The following INTS2 variants were observed in gnomAD, a reference collection of about 807,000 sequenced individuals.
INTS2 encodes integrator complex subunit 2, also known as KIAA1287.
A neutral mutation model predicts 139.6 loss-of-function variants in INTS2; 57 were observed. That is an observed-to-expected ratio of 0.41 (90% confidence interval 0.33 to 0.51). The LOEUF (loss-of-function observed/expected upper bound fraction) is 0.51. INTS2 is among the 20% of genes least tolerant of loss of function. The probability of loss-of-function intolerance (pLI) is 0.28; values close to 1 mark genes in which losing one functional copy is unlikely to be tolerated. For synonymous variants in INTS2, 473 were observed against 493.4 expected (o/e 0.96, Z 0.55); for missense variants, 1,196 against 1,436.7 (o/e 0.83, Z 2.71).
chr17:61,905,574 C>A (rs2079453730), intron 8 of INTS2, among the ~76,000 whole-genome samples: 1 of 152,210 alleles, frequency 6.6e-6, no homozygotes, highest in South Asian at 2.1e-4. Context: ...GATCCACAAG[C>A]CTTGGCCTCC....
Position 61,872,344 on chromosome 17 carries a change from T to A in INTS2, c.2699A>T (p.Asn900Ile), listed in dbSNP as rs552196383. Residue 900 changes from asparagine (N) to isoleucine (I), a missense_variant, in exon 20 of 25, where the codon AAT becomes ATT. Transcript: ENST00000251334. The surrounding 1 kb of genome is among the most constrained non-coding windows in gnomAD (Gnocchi z 4.8). ...ETEQDRPSQN[N>I]TIGLVGQTDA... Reference sequence around the variant, plus strand: ...AGTTTGTCCAACTAAACCAATTGTATTATTCTGGGAAGGCCTATCTTGCTC... The same window carrying A: ...AGTTTGTCCAACTAAACCAATTGTAATATTCTGGGAAGGCCTATCTTGCTC... 2.9e-5 allele frequency: 46 copies of A among 1,613,272 alleles called. No individual in the cohort carries two copies. The highest frequency in any genetic ancestry group is 2.8e-4 in the Admixed American group (17 of 60,002).
intron 15 of INTS2, among the ~76,000 whole-genome samples, chr17:61,889,020 C>CAAAAACAAAAAACA (rs201252855): frequency 0.025 from 3,592 of 141,062 alleles, 161 homozygotes; most frequent in African/African-American, 0.092. Context: ...GCAAGACTGT[C>CAAAAACAAAAAACA]AAAAACAAAA....
Position 61,867,673 on chromosome 17 carries a change from A to G in INTS2, c.3475T>C (p.Ser1159Pro), listed in dbSNP as rs775119135. 1.2e-6 allele frequency: 2 copies of G among 1,612,702 alleles called. No individual in the cohort carries two copies. Among genetic ancestry groups the G allele is most frequent in the South Asian group, 2.2e-5 (2 of 90,914 alleles). Residue 1159 changes from serine (S) to proline (P), a missense_variant, in exon 25 of 25, where the codon TCA becomes CCA. Physicochemically the swap from Ser to Pro is moderately conservative, Grantham distance 74. This residue lies in a region of INTS2 where 1,129 missense variants were observed against 1,341.9 expected (regional missense o/e 0.84). Transcript: ENST00000251334. The surrounding 1 kb of genome is among the most constrained non-coding windows in gnomAD (Gnocchi z 5.6). ...TCCCTGGATCCATTTTTATAAGATG[A>G]ATCTTTACAGATTTGAGACCATCCA... ...PSGWSQICKDSSYKNGSRDTG... is the reference protein window; with the variant it reads ...PSGWSQICKDPSYKNGSRDTG...
chr17:61,926,796 G>T, intron 1 of INTS2, 134 bp from the exon 2 acceptor site: 4 of 729,588 alleles, frequency 5.5e-6, no homozygotes, highest in Non-Finnish European at 9.6e-6. Flanking sequence ...GCACAATCAA[G>T]ACAAGGCTTC....
intron 9 of INTS2, among the ~76,000 whole-genome samples, chr17:61,902,585 A>G (rs1419965961): frequency 6.6e-6 from 1 of 152,086 alleles, no homozygotes; most frequent in East Asian, 1.9e-4. Flanking sequence ...TAACTTGCTC[A>G]TTCTAAGACC....
At chr17:61,911,469 C>A in intron 7 of INTS2, 51 bp downstream of exon 7, 1 of 1,457,826 alleles carries the variant, frequency 6.9e-7, no homozygotes, top group Non-Finnish European at 9.2e-7. Flanking sequence ...TCTCTTTTAG[C>A]AGCTGCTAAA....
At chr17:61,880,904 G>A in intron 17 of INTS2, 103 bp downstream of exon 17, 1 of 937,418 alleles carries the variant, frequency 1.1e-6, no homozygotes, top group Non-Finnish European at 1.6e-6. Flanking sequence ...CCAAAACATT[G>A]TTATATCCAT....
chr17:61,879,987 T>A (rs929126201), intron 17 of INTS2, among the ~76,000 whole-genome samples: 2 of 152,226 alleles, frequency 1.3e-5, no homozygotes, highest in Admixed American at 1.3e-4. Flanking sequence ...ACATTATATT[T>A]CTATTTAACA....
chr17:61,918,443 T>G (rs1269431229), intron 5 of INTS2, among the ~76,000 whole-genome samples: 1 of 152,124 alleles, frequency 6.6e-6, no homozygotes, highest in Non-Finnish European at 1.5e-5. Flanking sequence ...GGTTTCACTA[T>G]GTTGGCCAGG....
In INTS2 at chr17:61,869,872, G is replaced by A. The variant is rs908070669; in HGVS notation, c.2895C>T (p.Ser965=). The A allele has an allele frequency of 3.7e-6, 6 of 1,613,752 alleles. No homozygotes were observed. Among genetic ancestry groups the A allele is most frequent in the South Asian group, 1.1e-5 (1 of 91,080 alleles). Residue 965 remains serine (S), a synonymous_variant, in exon 21 of 25, where the codon AGC becomes AGT. Transcript: ENST00000251334. This position sits in a 1 kb window ranked among gnomAD's most constrained non-coding sequence, Gnocchi z 5.4. The part of the protein sequence containing the change: ...LRNVQSVITT[S]APNKGMEEGE... ...CTTCCTCCATTCCCTTATTTGGAGC[G>A]CTGGTGGTAATAACACTTTGAACAT...
chr17:61,890,983 C>CA (rs753902456), intron 14 of INTS2, among the ~76,000 whole-genome samples: 289 of 11,334 alleles, frequency 0.025, 55 homozygotes, highest in Non-Finnish European at 0.029. Flanking sequence ...ACTCCAGTCT[C>CA]AAAAAAAAAA....
At position 61,869,675 on chromosome 17, in the gene INTS2, G is replaced by C; in HGVS notation, c.3030+62C>G. The C allele has an allele frequency of 6.5e-7, 1 of 1,546,512 alleles. No homozygotes were observed. The highest frequency in any genetic ancestry group is 8.8e-7 in the Non-Finnish European group (1 of 1,133,584). On this transcript the variant is annotated intron_variant, in intron 21 of 24. Transcript: ENST00000251334. The surrounding 1 kb of genome is among the most constrained non-coding windows in gnomAD (Gnocchi z 5.4). ...TTTCTAAATGATCCCTGTTAATATA[G>C]TATTCAAAGCCCCCAAGAAAAATAA... is the stretch of plus-strand genomic sequence containing the variant.
intron 7 of INTS2, among the ~76,000 whole-genome samples, chr17:61,907,844 T>C (rs1435305862): frequency 1.3e-5 from 2 of 152,192 alleles, no homozygotes; most frequent in Admixed American, 6.5e-5. Context: ...TTTGGATTGG[T>C]TGCAGAGGAA....
intron 7 of INTS2, among the ~76,000 whole-genome samples, chr17:61,908,523 C>G (rs2079490321): frequency 6.6e-6 from 1 of 152,168 alleles, no homozygotes; most frequent in Admixed American, 6.5e-5. Context: ...GCCTAACATA[C>G]AGCAAGCACT....
chr17:61,907,402 G>A lies in INTS2; in HGVS notation c.1181+6C>T, dbSNP rs1177760600. ...CAAAAAGGTAAAATATCAAACTATTGAATACTTGAGTCCAGCGATCCCCAT... is the reference window on the plus strand; with the variant it reads ...CAAAAAGGTAAAATATCAAACTATTAAATACTTGAGTCCAGCGATCCCCAT... On this transcript the variant is annotated splice_donor_region_variant and intron_variant, in intron 8 of 24. Transcript: ENST00000251334. 2.6e-6 allele frequency: 4 copies of A among 1,562,092 alleles called. No individual in the cohort carries two copies. The highest frequency in any genetic ancestry group is 4.7e-5 in the East Asian group (2 of 42,528).
chr17:61,878,193 T>A, intron 17 of INTS2, 105 bp from the exon 18 acceptor site: 2 of 691,688 alleles, frequency 2.9e-6, no homozygotes, highest in East Asian at 5.2e-5. Flanking sequence ...AAGAAAACAA[T>A]GTGGCTAAAA....
In INTS2 at chr17:61,904,455, G is replaced by A; in HGVS notation, c.1307+5C>T. On this transcript the variant is annotated splice_donor_5th_base_variant and intron_variant, in intron 9 of 24. Transcript: ENST00000251334. ...GAAAATGGAGCAACTTATATAGTTA[G>A]GTACCTGACAAGTGTAGAAAAGGCC... is the stretch of plus-strand genomic sequence containing the variant. 6.3e-7 allele frequency: 1 copy of A among 1,591,472 alleles called. No homozygotes were observed. Among genetic ancestry groups the A allele is most frequent in the South Asian group, 1.1e-5 (1 of 88,236 alleles).
intron 16 of INTS2, among the ~76,000 whole-genome samples, chr17:61,884,698 T>G (rs1274541005): frequency 2.6e-5 from 4 of 152,064 alleles, no homozygotes; most frequent in African/African-American, 9.7e-5. Flanking sequence ...ACATATCAAC[T>G]GAAAATAGCT....
chr17:61,911,836 T>C (rs569423605), intron 6 of INTS2, 104 bp downstream of exon 6: 12 of 1,424,024 alleles, frequency 8.4e-6, no homozygotes, highest in East Asian at 4.6e-5. Flanking sequence ...ATATCCAGTA[T>C]ATAAATAAAA....
Sources: allele counts gnomAD v4.1 joint callset (sites outside exome capture counted in the v4.1 genomes callset), GRCh38; gene constraint gnomAD v4.1.1; regional missense constraint gnomAD v4.1.1; non-coding constraint Gnocchi (gnomAD v3.1); transcripts MANE v1.5; gene names NCBI Gene and HGNC (gene_info 2026-07-23, HGNC 2026-07-21).